Variants in FANCC observed in about 807,000 individuals in gnomAD.
FANCC encodes FA complementation group C.
A neutral mutation model predicts 71.3 loss-of-function variants in FANCC; 55 were observed. The observed-to-expected ratio is 0.77, with a 90% confidence interval of 0.62 to 0.97. The LOEUF (loss-of-function observed/expected upper bound fraction) is 0.97, where lower values mean the gene tolerates loss of function less well. FANCC is among the 50% of genes least tolerant of loss of function. The pLI is 0.00. For missense variants in FANCC, 678 were observed against 670.9 expected (o/e 1.01, Z -0.12); for synonymous variants, 275 against 244.9 (o/e 1.12, Z -1.15).
chr9:95,312,200 C>T (rs994686021), intron 1 of FANCC, among the ~76,000 whole-genome samples: 13 of 152,208 alleles, frequency 8.5e-5, no homozygotes, highest in African/African-American at 3.1e-4. Context: ...TTAGGATTAA[C>T]TTTCACAATT....
chr9:95,251,404 C>G (rs1831320735), intron 1 of FANCC, among the ~76,000 whole-genome samples: 1 of 152,134 alleles, frequency 6.6e-6, no homozygotes, highest in South Asian at 2.1e-4. Context: ...CAACCTCCAC[C>G]TCCTGGGTTC....
At chr9:95,223,393 G>A (rs1340484084) in intron 4 of FANCC, among the ~76,000 whole-genome samples, 1 of 152,170 alleles carries the variant, frequency 6.6e-6, no homozygotes, top group African/African-American at 2.4e-5. Flanking sequence ...CTCCCTGTGT[G>A]CATGTCTACG....
rs2071064855 is a variant in FANCC, at chr9:95,101,305, A to C, written c.*402T>G. 2 of 328,434 alleles carry C rather than the reference A, an allele frequency of 6.1e-6. No homozygotes were observed. The highest frequency in any genetic ancestry group is 4.5e-5 in the Admixed American group (1 of 22,436). 20.3% of individuals were successfully genotyped at this position (328,434 alleles called of 1,614,324 possible). ...GTCTAAAAAGAGCTAAGTTCTCTCTAAATTCTTTAATGGTTCATGACCAAA... is the reference window on the plus strand; with the variant it reads ...GTCTAAAAAGAGCTAAGTTCTCTCTCAATTCTTTAATGGTTCATGACCAAA... On this transcript the variant is annotated 3_prime_UTR_variant, in exon 15 of 15. Coordinates refer to ENST00000289081, the MANE Select transcript of FANCC (RefSeq NM_000136.3).
chr9:95,138,165 G>A (rs1325263208), intron 7 of FANCC, among the ~76,000 whole-genome samples: 1 of 152,268 alleles, frequency 6.6e-6, no homozygotes, highest in Non-Finnish European at 1.5e-5. Context: ...GGCAGCCGAG[G>A]TCAGAGAGGA....
intron 10 of FANCC, chr9:95,123,907 T>C: frequency 4.6e-6 from 2 of 437,556 alleles, no homozygotes; most frequent in Admixed American, 6.2e-5. Context: ...GACTATTCTC[T>C]TGAGAAAAAT....
chr9:95,157,126 T>TG (rs768223858), intron 6 of FANCC, among the ~76,000 whole-genome samples: 9 of 141,934 alleles, frequency 6.3e-5, no homozygotes, highest in Non-Finnish European at 9.8e-5. Flanking sequence ...TGTTTTCCTG[T>TG]GTTTTTTTTT....
At chr9:95,158,640 A>G (rs1481577639) in intron 6 of FANCC, among the ~76,000 whole-genome samples, 5 of 152,260 alleles carry the variant, frequency 3.3e-5, no homozygotes, top group African/African-American at 4.8e-5. Context: ...TCATGTCACC[A>G]TAAAGTATTC....
intron 5 of FANCC, 46 bp downstream of exon 5, chr9:95,171,991 C>CA (rs1411608296): frequency 8.8e-7 from 1 of 1,132,142 alleles, no homozygotes; most frequent in East Asian, 2.4e-5. Flanking sequence ...GCTGATGGCA[C>CA]ATTCAGCATT....
intron 1 of FANCC, among the ~76,000 whole-genome samples, chr9:95,290,067 A>C (rs1420464869): frequency 1.3e-5 from 2 of 152,180 alleles, no homozygotes; most frequent in Non-Finnish European, 2.9e-5. Flanking sequence ...ACTCTAAAAA[A>C]CGTTTGGCAA....
chr9:95,202,317 A>G (rs1827855924), intron 4 of FANCC, among the ~76,000 whole-genome samples: 1 of 151,864 alleles, frequency 6.6e-6, no homozygotes, highest in Non-Finnish European at 1.5e-5. Flanking sequence ...GCCTCTAGAA[A>G]GAGCCAGCTT....
intron 4 of FANCC, among the ~76,000 whole-genome samples, chr9:95,223,999 G>T (rs1422932430): frequency 6.6e-6 from 1 of 151,324 alleles, no homozygotes; most frequent in Non-Finnish European, 1.5e-5. Flanking sequence ...ACAGACAAAC[G>T]AACAAAAAAA....
chr9:95,301,954 C>T (rs1250002188), intron 1 of FANCC, among the ~76,000 whole-genome samples: 2 of 149,256 alleles, frequency 1.3e-5, no homozygotes, highest in African/African-American at 2.5e-5. Context: ...CGGTGGCGGG[C>T]GCCTGTACTC....
At chr9:95,280,036 T>C (rs578037028) in intron 1 of FANCC, among the ~76,000 whole-genome samples, 3 of 150,884 alleles carry the variant, frequency 2.0e-5, no homozygotes, top group East Asian at 1.9e-4. Context: ...ATGCTGTCTA[T>C]AGAAGACACA....
At chr9:95,157,162 A>AT (rs1830500182) in intron 6 of FANCC, among the ~76,000 whole-genome samples, 1 of 151,690 alleles carries the variant, frequency 6.6e-6, no homozygotes, top group East Asian at 1.9e-4. Context: ...CTATGCATTT[A>AT]TTTTTTCTAA....
At chr9:95,182,206 T>C (rs998910775) in intron 4 of FANCC, among the ~76,000 whole-genome samples, 1 of 151,140 alleles carries the variant, frequency 6.6e-6, no homozygotes, top group Non-Finnish European at 1.5e-5. Flanking sequence ...CATATCTCTT[T>C]ATACAAAATA....
chr9:95,241,536 T>C (rs898300770), intron 3 of FANCC, among the ~76,000 whole-genome samples: 1 of 152,274 alleles, frequency 6.6e-6, no homozygotes, highest in South Asian at 2.1e-4. Context: ...AAACTGAAGA[T>C]GTCAGTACCC....
At chr9:95,185,366 AAGG>A (rs1826650126) in intron 4 of FANCC, among the ~76,000 whole-genome samples, 1 of 152,220 alleles carries the variant, frequency 6.6e-6, no homozygotes, top group Non-Finnish European at 1.5e-5. Context: ...GTTGAGAAAA[AAGG>A]AGTCATTATC....
rs75807982 is a variant in FANCC at position 95,290,813 on chromosome 9, A to T, written c.-79+26713T>A. On this transcript the variant is annotated intron_variant, in intron 1 of 14. Coordinates refer to ENST00000289081, the MANE Select transcript of FANCC (RefSeq NM_000136.3). ...CAATATCCCTGATAAACTTAGATGC[A>T]GAAGTCCTCACTCAACACAACACTA... 9.8e-3 allele frequency among the ~76,000 whole-genome samples: 1,497 copies of T among 152,324 alleles called. 24 individuals carry two copies. The highest frequency in any genetic ancestry group is 0.034 in the African/African-American group (1,425 of 41,568).
intron 14 of FANCC, among the ~76,000 whole-genome samples, chr9:95,106,082 C>A (rs2071425450): frequency 6.6e-6 from 1 of 152,228 alleles, no homozygotes; most frequent in Non-Finnish European, 1.5e-5. Context: ...AATGTCCCCA[C>A]CGGGAAGCAT....
Sources: gnomAD v4.1 joint callset for allele counts (sites outside exome capture counted in the v4.1 genomes callset) on GRCh38, gnomAD v4.1.1 for gene constraint, MANE v1.5 for transcripts, NCBI Gene and HGNC (gene_info 2026-07-23, HGNC 2026-07-21) for gene names.